Variants in ATP2B3 observed in about 807,000 individuals in gnomAD.
ATP2B3 encodes plasma membrane calcium-transporting ATPase 3.
In ATP2B3, 12 loss-of-function variants were observed where a neutral mutation model predicts 70.8. The ratio of observed to expected loss-of-function variants is 0.17; its 90% confidence interval spans 0.11 to 0.27. The LOEUF (loss-of-function observed/expected upper bound fraction) is 0.27. Among genes scored for constraint, ATP2B3 ranks in the 10% least tolerant of loss-of-function variants. The probability of loss-of-function intolerance (pLI) is 1.00; values close to 1 mark genes in which losing one functional copy is unlikely to be tolerated. For missense variants in ATP2B3, 858 were observed against 1,118.5 expected, an observed-to-expected ratio of 0.77 and a Z score of 3.32; for synonymous variants, 460 against 497.8, an observed-to-expected ratio of 0.92 and a Z score of 1.01.
intron 21 of ATP2B3, among the ~76,000 whole-genome samples, chrX:153,573,711 T>C (rs2090820606): frequency 8.9e-6 from 1 of 112,292 alleles, no homozygotes; most frequent in African/African-American, 3.2e-5. Context: ...TAATTGGAGG[T>C]CCCGCAGCTG....
intron 11 of ATP2B3, 92 bp from the exon 12 acceptor site, chrX:153,549,950 TGTG>T (rs1171073988): frequency 4.8e-5 from 55 of 1,150,592 alleles, no homozygotes; most frequent in East Asian, 6.1e-5. Flanking sequence ...ACCCTAACAA[TGTG>T]GTGACCACGA....
At chrX:153,574,778 G>A (rs982467499) in intron 21 of ATP2B3, 3 of 328,986 alleles carry the variant, frequency 9.1e-6, no homozygotes, top group Admixed American at 3.1e-5. Flanking sequence ...CCAGGGGCAC[G>A]TCTCCCCATG....
rs782089396 is a variant in ATP2B3 at position 153,557,120 on chromosome X, C to T, written c.2433+97C>T. The T allele has an allele frequency of 6.7e-5, 60 of 901,468 alleles. No individual in the cohort carries two copies. In the South Asian group the frequency reaches 7.3e-4, roughly 11 times the overall value. 74.3% of individuals were successfully genotyped at this position (901,468 alleles called of 1,213,427 possible). ...TGTACCAGGAAGTGGGAGCCAGTGT[C>T]GGGGCAGGTTACAGAGTGCCTGAAG... On this transcript the variant is annotated intron_variant, in intron 16 of 21. Coordinates refer to ENST00000263519, the MANE Select transcript of ATP2B3 (RefSeq NM_001001344.3).
At chrX:153,534,781 C>T (rs886825273) in intron 2 of ATP2B3, among the ~76,000 whole-genome samples, 1 of 113,207 alleles carries the variant, frequency 8.8e-6, no homozygotes, top group Non-Finnish European at 1.9e-5. Flanking sequence ...AGAGTAAACG[C>T]GCAGGTGCCC....
chrX:153,555,716 G>T (rs782637269), intron 13 of ATP2B3, among the ~76,000 whole-genome samples: 1 of 112,313 alleles, frequency 8.9e-6, no homozygotes, highest in African/African-American at 3.2e-5. Flanking sequence ...TGATGCAGGT[G>T]GTCCCCAACT....
intron 20 of ATP2B3, among the ~76,000 whole-genome samples, chrX:153,563,227 G>A (rs1346051796): frequency 1.1e-5 from 1 of 91,451 alleles, no homozygotes; most frequent in Non-Finnish European, 2.1e-5. Flanking sequence ...CTGTAGCCTC[G>A]AACTCCCAGG....
intron 16 of ATP2B3, among the ~76,000 whole-genome samples, chrX:153,557,242 A>C (rs2032715531): frequency 2.7e-5 from 3 of 111,482 alleles, no homozygotes; most frequent in African/African-American, 9.8e-5. Context: ...CCAAGGTGAC[A>C]GTGGGCCCCA....
chrX:153,546,998 G>T (rs782113526), intron 8 of ATP2B3, among the ~76,000 whole-genome samples: 1 of 112,463 alleles, frequency 8.9e-6, no homozygotes, highest in Non-Finnish European at 1.9e-5. Context: ...CAAGTGAGGA[G>T]GAGCAGGAGG....
At chrX:153,544,542 C>A (rs1211597632) in intron 7 of ATP2B3, among the ~76,000 whole-genome samples, 1 of 111,381 alleles carries the variant, frequency 9.0e-6, no homozygotes, top group African/African-American at 3.3e-5. Flanking sequence ...AGGAAGAGAA[C>A]CCTGAGGGGG....
At position 153,580,477 on chromosome X, in the gene ATP2B3, GTGCAGCC is replaced by G; in HGVS notation, c.*183_*189del. ...AAGGACCCAAATCCATTCAACAAGG[GTGCAGCC>G]TGCCACAGGCTCCTCATCCGGACTG... On this transcript the variant is annotated 3_prime_UTR_variant, in exon 22 of 22. Coordinates refer to ENST00000263519, the MANE Select transcript of ATP2B3 (RefSeq NM_001001344.3). 2.2e-6 allele frequency: 1 copy of G among 449,865 alleles called. No homozygotes were observed. Among genetic ancestry groups the G allele is most frequent in the Non-Finnish European group, 3.7e-6 (1 of 268,914 alleles). The allele number at this position is 449,865 out of a possible 1,213,427, so 37.1% of individuals were successfully genotyped here. A position where few individuals can be genotyped will look rare whatever the true frequency, so the allele number is the denominator to read the frequency against.
At chrX:153,538,058 AGGACCGG>A (rs1557004844) in intron 3 of ATP2B3, among the ~76,000 whole-genome samples, 1 of 112,905 alleles carries the variant, frequency 8.9e-6, no homozygotes, top group Non-Finnish European at 1.9e-5. Flanking sequence ...TGAGCAGCAG[AGGACCGG>A]CCCCTCCCCT....
rs782499979 is a variant in ATP2B3, at chrX:153,553,274, C to G, written c.2058+5C>G. 2 of 1,192,437 alleles carry G rather than the reference C, an allele frequency of 1.7e-6. No individual in the cohort carries two copies. The highest frequency in any genetic ancestry group is 2.3e-6 in the Non-Finnish European group (2 of 880,866). ...GAGGACCCTGTGCGGCCCGAGGTAG[C>G]CACCACCTTCTCTGTGAGCTGCCCT... On this transcript the variant is annotated splice_donor_5th_base_variant and intron_variant, in intron 13 of 21. Coordinates refer to ENST00000263519, the MANE Select transcript of ATP2B3 (RefSeq NM_001001344.3).
At chrX:153,550,788 G>A (rs373203329) in intron 12 of ATP2B3, among the ~76,000 whole-genome samples, 2 of 111,712 alleles carry the variant, frequency 1.8e-5, no homozygotes, top group African/African-American at 6.5e-5. Context: ...GTAGAGCTGG[G>A]GTCTCCTCAT....
At chrX:153,544,805 C>T (rs369980080) in intron 7 of ATP2B3, among the ~76,000 whole-genome samples, 6 of 112,445 alleles carry the variant, frequency 5.3e-5, no homozygotes, top group African/African-American at 1.9e-4. Flanking sequence ...TCTCTTCTGG[C>T]GGGGCCCAGC....
chrX:153,527,546 G>A (rs1340290418), intron 2 of ATP2B3, among the ~76,000 whole-genome samples: 1 of 112,786 alleles, frequency 8.9e-6, no homozygotes, highest in Non-Finnish European at 1.9e-5. Flanking sequence ...GCCTTCTCTG[G>A]CAGGAAACAA....
chrX:153,557,114 C>T, intron 16 of ATP2B3, 91 bp downstream of exon 16: 2 of 931,282 alleles, frequency 2.1e-6, no homozygotes, highest in South Asian at 4.6e-5. Flanking sequence ...AAGTGGGAGC[C>T]AGTGTCGGGG....
Position 153,548,731 on chromosome X carries a change from G to C in ATP2B3, c.1215G>C (p.Glu405Asp). The C allele has an allele frequency of 8.3e-7, 1 of 1,211,385 alleles. No individual in the cohort carries two copies. The highest frequency in any genetic ancestry group is 1.1e-6 in the Non-Finnish European group (1 of 895,343). The change falls in exon 10 of 22, where the codon GAG (glutamate) becomes GAC (aspartate). Residue 405 changes from glutamate to aspartate, a missense_variant. Physicochemically the swap from Glu to Asp is conservative, Grantham distance 45. Around this residue, in one of 5 missense-constraint regions of ATP2B3, gnomAD observed 278 missense variants for 366.2 expected, o/e 0.76. Transcript: ENST00000263519. ...TGGAAGGCCGGACATGGCTGGCAGAGTGCACGCCGGTCTATGTACAATACT... is the reference window on the plus strand; with the variant it reads ...TGGAAGGCCGGACATGGCTGGCAGACTGCACGCCGGTCTATGTACAATACT... ...FVVEGRTWLA[E>D]CTPVYVQYFV...
At chrX:153,541,316 C>T in intron 3 of ATP2B3, 43 bp from the exon 4 acceptor site, 1 of 1,205,247 alleles carries the variant, frequency 8.3e-7, no homozygotes, top group Non-Finnish European at 1.1e-6. Flanking sequence ...GCCGACCCGT[C>T]CCATCCCATC....
At chrX:153,575,456 G>A (rs1322359842) in intron 21 of ATP2B3, among the ~76,000 whole-genome samples, 4 of 112,565 alleles carry the variant, frequency 3.6e-5, no homozygotes, top group Non-Finnish European at 5.6e-5. Flanking sequence ...GGGATGTGCC[G>A]GAGGCTGAGG....
Sources: gnomAD v4.1 joint callset for allele counts (sites outside exome capture counted in the v4.1 genomes callset) on GRCh38, gnomAD v4.1.1 for gene constraint, gnomAD v4.1.1 regional missense constraint, MANE v1.5 for transcripts, NCBI Gene and HGNC (gene_info 2026-07-23, HGNC 2026-07-21) for gene names.